The following CCDC122 variants were observed in gnomAD, a reference collection of about 807,000 sequenced individuals.
CCDC122 encodes coiled-coil domain-containing protein 122.
CCDC122 carries 38 observed loss-of-function variants against 37.0 expected under a neutral mutation model. That is an observed-to-expected ratio of 1.03 (90% confidence interval 0.79 to 1.35). The LOEUF (loss-of-function observed/expected upper bound fraction) is 1.35, where lower values mean the gene tolerates loss of function less well. Ranked by LOEUF, CCDC122 falls within the 40% of genes most tolerant of loss-of-function variation. The pLI, the probability that CCDC122 is intolerant of heterozygous loss-of-function variation, is 0.00. For synonymous variants in CCDC122, 83 were observed against 95.6 expected (o/e 0.87, Z 0.77); for missense variants, 305 against 310.0 (o/e 0.98, Z 0.12).
At chr13:43,840,121 T>C (rs1953293770) in intron 6 of CCDC122, among the ~76,000 whole-genome samples, 1 of 152,154 alleles carries the variant, frequency 6.6e-6, no homozygotes, top group South Asian at 2.1e-4. Context: ...TAAGTTAGGT[T>C]TTCCATCTTG....
intron 6 of CCDC122, 129 bp from the exon 7 acceptor site, chr13:43,837,558 T>G: frequency 1.3e-6 from 1 of 742,460 alleles, no homozygotes; most frequent in South Asian, 2.6e-5. Flanking sequence ...ATAATTATGA[T>G]AAAAATAAAC....
downstream of CCDC122, among the ~76,000 whole-genome samples, chr13:43,819,607 C>T (rs746028763): frequency 1.2e-4 from 18 of 151,976 alleles, no homozygotes; most frequent in African/African-American, 3.4e-4. Flanking sequence ...GCCTATACTA[C>T]GCTACTTTTT....
chr13:43,865,384 C>T (rs1410571763), intron 4 of CCDC122, among the ~76,000 whole-genome samples: 2 of 152,072 alleles, frequency 1.3e-5, no homozygotes, highest in Non-Finnish European at 2.9e-5. Flanking sequence ...GTACTCCCTC[C>T]TTATCCAAGG....
intron 6 of CCDC122, chr13:43,849,289 T>C (rs9533655): frequency 0.92 from 147,379 of 160,338 alleles, 68,124 homozygotes; most frequent in South Asian, 0.99. Flanking sequence ...GAAGTCTTAA[T>C]CTCAGTAACA....
intron 2 of CCDC122, chr13:43,874,607 A>T (rs1954549998): frequency 1.3e-5 from 2 of 152,324 alleles, no homozygotes; most frequent in South Asian, 4.1e-4. Flanking sequence ...TATTCATAAA[A>T]TTCATGCTGT....
intron 6 of CCDC122, among the ~76,000 whole-genome samples, chr13:43,850,768 G>A (rs1953699959): frequency 6.6e-6 from 1 of 152,158 alleles, no homozygotes. Context: ...TCAAGTAACT[G>A]ATGGCTGAAA....
At chr13:43,850,142 T>C (rs1358808443) in intron 6 of CCDC122, among the ~76,000 whole-genome samples, 2 of 152,148 alleles carry the variant, frequency 1.3e-5, no homozygotes, top group Admixed American at 1.3e-4. Flanking sequence ...GCCTACAGAC[T>C]AGTCTTTCCC....
intron 6 of CCDC122, chr13:43,856,629 C>CA (rs56367144): frequency 2.9e-3 from 282 of 97,244 alleles, no homozygotes; most frequent in Middle Eastern, 5.9e-3. Context: ...GACTCTGTCT[C>CA]AAAAAAAAAA....
At chr13:43,851,936 A>C (rs1353468794) in intron 6 of CCDC122, among the ~76,000 whole-genome samples, 1 of 148,168 alleles carries the variant, frequency 6.7e-6, no homozygotes, top group Non-Finnish European at 1.5e-5. Context: ...CCTCAAGATC[A>C]TCAAATAGGA....
In CCDC122 at chr13:43,874,538, C is replaced by G. The variant is rs1320629093; in HGVS notation, c.-114+304G>C. ...AATAAAGTAACTAGTACTTCTTGAT[C>G]TCTATTTCTATAGCAACATAAATTG... On this transcript the variant is annotated intron_variant, in intron 2 of 6. Transcript: ENST00000444614. Among the ~76,000 whole-genome samples the G allele has an allele frequency of 5.9e-5, 9 of 152,098 alleles. 1 individual carries two copies. The highest frequency in any genetic ancestry group is 5.2e-4 in the Admixed American group (8 of 15,282).
intron 6 of CCDC122, chr13:43,856,754 G>A (rs1238595109): frequency 6.6e-6 from 1 of 152,176 alleles, no homozygotes; most frequent in Admixed American, 6.5e-5. Context: ...TAGTAAAGCT[G>A]TTTATAAAAA....
chr13:43,872,285 T>G (rs1954476158), intron 2 of CCDC122, among the ~76,000 whole-genome samples: 1 of 152,076 alleles, frequency 6.6e-6, no homozygotes, highest in Non-Finnish European at 1.5e-5. Flanking sequence ...TCATTTCCCT[T>G]ACAGCTCACT....
downstream of CCDC122, among the ~76,000 whole-genome samples, chr13:43,833,933 TC>T (rs1369923930): frequency 6.6e-6 from 1 of 152,234 alleles, no homozygotes; most frequent in Non-Finnish European, 1.5e-5. Flanking sequence ...TAAGCTAGGT[TC>T]AATTATACAG....
At chr13:43,867,646 T>C (rs2153878117) in intron 4 of CCDC122, among the ~76,000 whole-genome samples, 1 of 152,274 alleles carries the variant, frequency 6.6e-6, no homozygotes, top group African/African-American at 2.4e-5. Flanking sequence ...GTGAGGACAA[T>C]GTTCAGCAAA....
chr13:43,863,148 T>G (rs1435452507), intron 4 of CCDC122, among the ~76,000 whole-genome samples: 1 of 152,040 alleles, frequency 6.6e-6, no homozygotes, highest in Non-Finnish European at 1.5e-5. Flanking sequence ...TTCAAAAAAG[T>G]TTTCTCCTGA....
intron 6 of CCDC122, among the ~76,000 whole-genome samples, chr13:43,840,976 T>A (rs115284098): frequency 0.016 from 2,374 of 152,258 alleles, 60 homozygotes; most frequent in African/African-American, 0.053. Flanking sequence ...TCCACAATGG[T>A]TTAACTAGTC....
chr13:43,861,243 G>C (rs899208463), intron 4 of CCDC122, among the ~76,000 whole-genome samples: 16 of 152,162 alleles, frequency 1.1e-4, no homozygotes, highest in Non-Finnish European at 2.4e-4. Flanking sequence ...GTGAAATTCA[G>C]TTATGGAAGA....
intron 5 of CCDC122, 117 bp downstream of exon 5, chr13:43,859,555 A>T: frequency 1.3e-6 from 1 of 743,436 alleles, no homozygotes; most frequent in Non-Finnish European, 2.0e-6. Flanking sequence ...TAGTTTCTGA[A>T]GGTAATAGGA....
intron 6 of CCDC122, chr13:43,854,605 A>C (rs993611204): frequency 2.6e-5 from 4 of 152,104 alleles, no homozygotes; most frequent in African/African-American, 4.8e-5. Context: ...AGGAGGATGG[A>C]CTCCTCCCTA....
Sources: gnomAD v4.1 joint callset for allele counts (sites outside exome capture counted in the v4.1 genomes callset) on GRCh38, gnomAD v4.1.1 for gene constraint, MANE v1.5 for transcripts, NCBI Gene and HGNC (gene_info 2026-07-23, HGNC 2026-07-21) for gene names.